CTNNA3: variants seen among roughly 807,000 people sequenced by gnomAD.
CTNNA3 encodes catenin alpha-3.
In CTNNA3, 76 loss-of-function variants were observed where a neutral mutation model predicts 95.7. That is an observed-to-expected ratio of 0.79 (90% CI 0.66 to 0.96). CTNNA3 has a LOEUF of 0.96. Among genes scored for constraint, CTNNA3 ranks in the 40% least tolerant of loss-of-function variants. The pLI is 0.00. For synonymous variants in CTNNA3, 431 were observed against 374.4 expected (o/e 1.15, Z -1.74); for missense variants, 1,191 against 1,089.8 (o/e 1.09, Z -1.31).
At chr10:67,471,841 G>C (rs1314779725) in intron 5 of CTNNA3, among the ~76,000 whole-genome samples, 2 of 152,138 alleles carry the variant, frequency 1.3e-5, no homozygotes, top group African/African-American at 4.8e-5. Flanking sequence ...GCCAGAAACT[G>C]TTCTAGGGTC....
At chr10:67,566,412 A>T (rs1348911395) in intron 3 of CTNNA3, among the ~76,000 whole-genome samples, 2 of 151,866 alleles carry the variant, frequency 1.3e-5, no homozygotes. Context: ...CCAAAAACAC[A>T]TGAAAAAATG....
chr10:66,911,621 G>GT (rs1846226808), intron 7 of CTNNA3, among the ~76,000 whole-genome samples: 2 of 152,138 alleles, frequency 1.3e-5, no homozygotes, highest in African/African-American at 4.8e-5. Flanking sequence ...TCAAAGTCTT[G>GT]TATCTGTGTC....
intron 15 of CTNNA3, among the ~76,000 whole-genome samples, chr10:66,063,194 GTATATATA>G (rs150710369): frequency 8.3e-6 from 1 of 119,852 alleles, no homozygotes; most frequent in East Asian, 2.3e-4. Flanking sequence ...CTGGATACAT[GTATATATA>G]TATATATATA....
rs528206785 is a variant in CTNNA3, at chr10:66,741,953, C to T, written c.1281+24311G>A. ...CCCTGTGATGATTGTGTTAACTGCA[C>T]AAATTGTTTGTAGAGCATGTGTGTT... On this transcript the variant is annotated intron_variant, in intron 9 of 17. Coordinates refer to ENST00000433211, the MANE Select transcript of CTNNA3 (RefSeq NM_013266.4). Among the ~76,000 whole-genome samples the T allele has an allele frequency of 3.3e-5, 5 of 152,164 alleles. No individual in the cohort carries two copies. In the East Asian group the frequency reaches 9.7e-4, roughly 29 times the overall value.
At chr10:67,149,472 C>T (rs1328051309) in intron 7 of CTNNA3, among the ~76,000 whole-genome samples, 3 of 152,124 alleles carry the variant, frequency 2.0e-5, no homozygotes, top group Admixed American at 2.0e-4. Context: ...GTAGTCCCAG[C>T]TTCTCGGGAG....
At chr10:67,004,703 T>A (rs918481545) in intron 7 of CTNNA3, among the ~76,000 whole-genome samples, 2 of 152,224 alleles carry the variant, frequency 1.3e-5, no homozygotes, top group African/African-American at 4.8e-5. Flanking sequence ...AAAAGACTAG[T>A]ATACTCACTG....
intron 13 of CTNNA3, among the ~76,000 whole-genome samples, chr10:66,263,104 G>T (rs10822782): frequency 0.27 from 40,718 of 151,816 alleles, 6,120 homozygotes; most frequent in African/African-American, 0.4. Context: ...AGGAAACACA[G>T]GTAGAGCTGT....
At chr10:66,344,267 T>C (rs1009050889) in intron 12 of CTNNA3, among the ~76,000 whole-genome samples, 1 of 149,976 alleles carries the variant, frequency 6.7e-6, no homozygotes, top group African/African-American at 2.4e-5. Flanking sequence ...TTTGTTGTTG[T>C]TGTTGTTTGT....
intron 7 of CTNNA3, among the ~76,000 whole-genome samples, chr10:67,026,907 C>A (rs1853425660): frequency 6.6e-6 from 1 of 152,134 alleles, no homozygotes; most frequent in Admixed American, 6.5e-5. Context: ...AATTTAAGAT[C>A]ACATTAAAAT....
At chr10:67,284,587 A>T (rs1182457963) in intron 5 of CTNNA3, among the ~76,000 whole-genome samples, 3 of 152,326 alleles carry the variant, frequency 2.0e-5, no homozygotes, top group East Asian at 3.9e-4. Flanking sequence ...GAGAAATTTA[A>T]TTGAACAAAG....
chr10:66,650,094 G>C (rs577951589), intron 9 of CTNNA3, among the ~76,000 whole-genome samples: 2 of 150,402 alleles, frequency 1.3e-5, no homozygotes, highest in East Asian at 3.9e-4. Flanking sequence ...CTACACTTTA[G>C]ACCAAATAGA....
chr10:67,144,509 A>G (rs1315071097), intron 7 of CTNNA3, among the ~76,000 whole-genome samples: 3 of 152,228 alleles, frequency 2.0e-5, no homozygotes, highest in Admixed American at 1.3e-4. Flanking sequence ...ACCTTCATCA[A>G]TGATCTTATC....
intron 2 of CTNNA3, among the ~76,000 whole-genome samples, chr10:67,638,699 A>C (rs1839413607): frequency 6.6e-6 from 1 of 152,240 alleles, no homozygotes; most frequent in Non-Finnish European, 1.5e-5. Flanking sequence ...CTCAGGATTA[A>C]GAAACTCACT....
chr10:66,953,616 C>G (rs1848647673), intron 7 of CTNNA3, among the ~76,000 whole-genome samples: 2 of 152,052 alleles, frequency 1.3e-5, no homozygotes, highest in Non-Finnish European at 2.9e-5. Flanking sequence ...TTCAAAGATA[C>G]ATTACCTTAT....
intron 1 of CTNNA3, among the ~76,000 whole-genome samples, chr10:67,653,010 T>G (rs1354645582): frequency 6.6e-6 from 1 of 152,164 alleles, no homozygotes; most frequent in African/African-American, 2.4e-5. Context: ...ATACCTGAGA[T>G]TGGGTAATTT....
intron 9 of CTNNA3, among the ~76,000 whole-genome samples, chr10:66,689,776 T>C (rs369473085): frequency 6.6e-6 from 1 of 152,022 alleles, no homozygotes; most frequent in Non-Finnish European, 1.5e-5. Flanking sequence ...TGAAAAGTAA[T>C]GAGAAGACCA....
At chr10:66,766,225 C>T (rs963604207) in intron 9 of CTNNA3, 39 bp downstream of exon 9, 1 of 1,600,804 alleles carries the variant, frequency 6.2e-7, no homozygotes, top group Non-Finnish European at 8.5e-7. Flanking sequence ...GAGCCTCATT[C>T]TCCTGGACTT....
intron 5 of CTNNA3, among the ~76,000 whole-genome samples, chr10:67,283,481 ACACACTGTG>A (rs781491878): frequency 3.9e-5 from 6 of 152,136 alleles, no homozygotes; most frequent in Non-Finnish European, 8.8e-5. Context: ...ACTTCAGTAA[ACACACTGTG>A]CATTCAACCC....
At chr10:67,466,479 C>G (rs773594207) in intron 5 of CTNNA3, among the ~76,000 whole-genome samples, 1 of 152,142 alleles carries the variant, frequency 6.6e-6, no homozygotes, top group Non-Finnish European at 1.5e-5. Context: ...AGTTTAGGTG[C>G]TACCATTGCT....
Sources: gnomAD v4.1 joint callset for allele counts (sites outside exome capture counted in the v4.1 genomes callset) on GRCh38, gnomAD v4.1.1 for gene constraint, MANE v1.5 for transcripts, NCBI Gene and HGNC (gene_info 2026-07-23, HGNC 2026-07-21) for gene names.